Variants in HPSE2 observed in about 807,000 individuals in gnomAD.
The protein encoded by HPSE2 is heparanase 2 (inactive), also known as inactive heparanase-2.
In HPSE2, 38 loss-of-function variants were observed where a neutral mutation model predicts 60.5. The ratio of observed to expected loss-of-function variants is 0.63; its 90% CI spans 0.48 to 0.82. The LOEUF (loss-of-function observed/expected upper bound fraction) is 0.82. Ranked by LOEUF, HPSE2 falls within the 40% of genes least tolerant of loss-of-function variation. HPSE2 has a pLI of 0.00. For missense variants in HPSE2, 713 were observed against 740.4 expected (o/e 0.96, Z 0.43); for synonymous variants, 295 against 293.2 (o/e 1.01, Z -0.06).
chr10:98,605,882 A>T (rs1248904697), intron 9 of HPSE2, among the ~76,000 whole-genome samples: 8 of 152,170 alleles, frequency 5.3e-5, no homozygotes, highest in Non-Finnish European at 1.0e-4. Context: ...CAGCCTTTGC[A>T]GATGCTGTTC....
At chr10:98,467,683 G>T (rs1940599043) in intron 11 of HPSE2, among the ~76,000 whole-genome samples, 1 of 152,176 alleles carries the variant, frequency 6.6e-6, no homozygotes, top group African/African-American at 2.4e-5. Flanking sequence ...CCAGGAAGCC[G>T]GAATGCGTCC....
intron 3 of HPSE2, among the ~76,000 whole-genome samples, chr10:99,027,197 T>C (rs1298989144): frequency 1.3e-5 from 2 of 150,656 alleles, no homozygotes; most frequent in Non-Finnish European, 3.0e-5. Flanking sequence ...TTTTGAAAAG[T>C]TAAACAAAAT....
intron 2 of HPSE2, among the ~76,000 whole-genome samples, chr10:99,185,354 C>T (rs967934433): frequency 6.6e-6 from 1 of 151,738 alleles, no homozygotes; most frequent in African/African-American, 2.4e-5. Flanking sequence ...AAACTATAAA[C>T]CCAGAGAACA....
intron 3 of HPSE2, among the ~76,000 whole-genome samples, chr10:98,848,348 G>A (rs1952082050): frequency 6.6e-6 from 1 of 152,008 alleles, no homozygotes; most frequent in African/African-American, 2.4e-5. Context: ...AACCTGGGAG[G>A]CAGAGGTTAC....
intron 2 of HPSE2, among the ~76,000 whole-genome samples, chr10:99,159,951 G>A (rs1846755744): frequency 6.6e-6 from 1 of 151,866 alleles, no homozygotes; most frequent in Admixed American, 6.6e-5. Context: ...GACCAGCCTG[G>A]CCAACATGGT....
the HPSE2 span, among the ~76,000 whole-genome samples, chr10:99,261,190 C>G: frequency 6.6e-6 from 1 of 152,134 alleles, no homozygotes; most frequent in African/African-American, 2.4e-5. Flanking sequence ...CAGTCTCCAC[C>G]CAAAGCTCTG....
chr10:99,305,979 G>GCGCGCGCGCGCGCGCGCACACACA, the HPSE2 span, among the ~76,000 whole-genome samples: 7 of 80,580 alleles, frequency 8.7e-5, no homozygotes, highest in East Asian at 3.7e-4. Flanking sequence ...GCGCGCGCGC[G>GCGCGCGCGCGCGCGCGCACACACA]CACACACACA....
chr10:99,050,375 A>G (rs564071308), intron 3 of HPSE2, among the ~76,000 whole-genome samples: 1 of 152,266 alleles, frequency 6.6e-6, no homozygotes, highest in South Asian at 2.1e-4. Context: ...GAGCCTTTGT[A>G]CACTACTGGT....
chr10:98,899,534 T>TAG (rs1298220267), intron 3 of HPSE2, among the ~76,000 whole-genome samples: 1 of 152,068 alleles, frequency 6.6e-6, no homozygotes, highest in Non-Finnish European at 1.5e-5. Flanking sequence ...CAAAGGAATA[T>TAG]AGATGGCAAA....
In HPSE2 at chr10:98,679,838, C is replaced by T. The variant is rs547135670; in HGVS notation, c.1004+14062G>A. The stretch of plus-strand genomic sequence containing the variant: ...TCCTGTGTAGCTAGAACTACATGCA[C>T]GCCACCACACCCGGCTAATTTTTTT... On this transcript the variant is annotated intron_variant, in intron 6 of 11. Transcript: ENST00000370552. Among the ~76,000 whole-genome samples the T allele has an allele frequency of 2.7e-4, 41 of 151,998 alleles. No homozygotes were observed. The South Asian group carries it at 3.9e-3, about 15-fold the overall frequency.
the HPSE2 span, among the ~76,000 whole-genome samples, chr10:99,249,664 A>C: frequency 1.3e-5 from 2 of 152,150 alleles, no homozygotes; most frequent in Non-Finnish European, 2.9e-5. Context: ...AAGGACATGA[A>C]ATTTGGGAGG....
At chr10:98,720,813 T>C (rs1404896808) in intron 5 of HPSE2, among the ~76,000 whole-genome samples, 1 of 152,118 alleles carries the variant, frequency 6.6e-6, no homozygotes, top group Non-Finnish European at 1.5e-5. Flanking sequence ...ATGAGAACTA[T>C]GTAGAAATAA....
rs1564808301 is a variant in HPSE2 at position 99,102,166 on chromosome 10, C to A, written c.610+42072G>T. The stretch of plus-strand genomic sequence containing the variant: ...CTAAAGGAAATAGAGACACAAAAAA[C>A]CCTTCAAAAAATTAATGAATCCAGG... On this transcript the variant is annotated intron_variant, in intron 3 of 11. Coordinates refer to ENST00000370552, the MANE Select transcript of HPSE2 (RefSeq NM_021828.5). Among the ~76,000 whole-genome samples the A allele has an allele frequency of 1.3e-4, 14 of 109,582 alleles. No homozygotes were observed. The South Asian group carries it at 4.4e-3, about 34-fold the overall frequency. 71.9% of individuals were successfully genotyped at this position (109,582 alleles called of 152,430 possible).
At chr10:99,232,919 G>A (rs567885593) in intron 1 of HPSE2, among the ~76,000 whole-genome samples, 8 of 152,376 alleles carry the variant, frequency 5.3e-5, no homozygotes, top group African/African-American at 1.7e-4. Flanking sequence ...GCCTACCTCT[G>A]GCTTCCGACC....
intron 3 of HPSE2, among the ~76,000 whole-genome samples, chr10:98,913,522 G>C (rs1484929018): frequency 2.6e-5 from 4 of 152,068 alleles, no homozygotes; most frequent in African/African-American, 9.7e-5. Flanking sequence ...CCCAATAATA[G>C]TTGAAAAAAG....
At chr10:98,764,600 T>TCCCAGCA (rs1950078109) in intron 3 of HPSE2, among the ~76,000 whole-genome samples, 1 of 152,202 alleles carries the variant, frequency 6.6e-6, no homozygotes, top group South Asian at 2.1e-4. Context: ...ACGCCTGTAA[T>TCCCAGCA]CCCAGCACCT....
intron 4 of HPSE2, among the ~76,000 whole-genome samples, chr10:98,729,624 A>T (rs61884639): frequency 0.95 from 144,986 of 151,928 alleles, 69,388 homozygotes; most frequent in East Asian, 1. Flanking sequence ...ATAAATAAAT[A>T]AATAAATTAA....
chr10:98,945,508 A>C (rs1368898597), intron 3 of HPSE2, among the ~76,000 whole-genome samples: 1 of 152,170 alleles, frequency 6.6e-6, no homozygotes, highest in Non-Finnish European at 1.5e-5. Context: ...ATTATGATCC[A>C]TCAACATAAT....
chr10:99,092,433 A>G (rs1843548214), intron 3 of HPSE2, among the ~76,000 whole-genome samples: 1 of 152,232 alleles, frequency 6.6e-6, no homozygotes, highest in Non-Finnish European at 1.5e-5. Context: ...TGTTCAGTCC[A>G]AAGCAAGCAC....
Sources: allele counts gnomAD v4.1 joint callset (sites outside exome capture counted in the v4.1 genomes callset), GRCh38; gene constraint gnomAD v4.1.1; transcripts MANE v1.5; gene names NCBI Gene and HGNC (gene_info 2026-07-23, HGNC 2026-07-21).